LMTK3: variants seen among roughly 807,000 people sequenced by gnomAD.
The protein encoded by LMTK3 is serine/threonine-protein kinase LMTK3.
In LMTK3, 27 loss-of-function variants were observed where a neutral mutation model predicts 116.7. The ratio of observed to expected loss-of-function variants is 0.23; its 90% confidence interval spans 0.17 to 0.32. The LOEUF is 0.32. LMTK3 is among the 10% of genes least tolerant of loss of function. LMTK3 has a pLI of 1.00. For synonymous variants in LMTK3, 965 were observed against 971.0 expected, an observed-to-expected ratio of 0.99 and a Z score of 0.11; for missense variants, 1,764 against 2,068.5, an observed-to-expected ratio of 0.85 and a Z score of 2.86.
intron 3 of LMTK3, 126 bp downstream of exon 3, chr19:48,509,897 C>G (rs1972628218): frequency 9.6e-7 from 1 of 1,043,854 alleles, no homozygotes; most frequent in South Asian, 1.6e-5. Flanking sequence ...TTCCAGCGCT[C>G]CCACCTATGC....
At position 48,494,336 on chromosome 19, in the gene LMTK3, C is replaced by T. The variant is rs1972286619; in HGVS notation, c.3677-227G>A. ...TGCCAACGGCTTTAAGCCGCAACTT[C>T]CCACAGCCCACCAGGCCCTCATGCC... On this transcript the variant is annotated intron_variant, in intron 11 of 14. Transcript: ENST00000600059. The surrounding 1 kb of genome is among the most constrained non-coding windows in gnomAD (Gnocchi z 4.0). 6.6e-6 allele frequency among the ~76,000 whole-genome samples: 1 copy of T among 152,208 alleles called. No homozygotes were observed. The highest frequency in any genetic ancestry group is 1.5e-5 in the Non-Finnish European group (1 of 68,034).
chr19:48,499,021 A>G lies in LMTK3; in HGVS notation c.2048T>C (p.Leu683Pro). 5 of 1,453,430 alleles carry G rather than the reference A, an allele frequency of 3.4e-6. No homozygotes were observed. The highest frequency in any genetic ancestry group is 4.5e-6 in the Non-Finnish European group (5 of 1,101,982). 90.0% of individuals were successfully genotyped at this position (1,453,430 alleles called of 1,614,324 possible). ...SREGACSCLP[L>P]ERGDAVAGWG... is the part of the protein sequence containing the mutation. The stretch of plus-strand genomic sequence containing the variant: ...GCCTGCTACGGCGTCCCCCCGCTCC[A>G]GTGGCAGGCAGGAGCAGGCCCCCTC... Residue 683 changes from leucine to proline, a missense_variant, in exon 11 of 15, where the codon CTG (leucine) becomes CCG (proline). Physicochemically the swap from Leu to Pro is moderately conservative, Grantham distance 98. Coordinates refer to ENST00000600059, the MANE Select transcript of LMTK3 (RefSeq NM_001388485.1).
At position 48,497,491 on chromosome 19, in the gene LMTK3, C is replaced by G. The variant is rs1305403582; in HGVS notation, c.3578G>C (p.Gly1193Ala). ...CTCGGGCTTGGGGGGGTCCCCGTCT[C>G]CGCTGAGTGCCGTGTCTCCGCCGGC... Reference protein sequence around the residue: ...SRAGGDTALSGDGDPPKPERK... With the variant: ...SRAGGDTALSADGDPPKPERK... Residue 1193 changes from glycine to alanine, a missense_variant, in exon 11 of 15, where the codon GGA (glycine) becomes GCA (alanine). This residue lies in a region of LMTK3 where 1,028 missense variants were observed against 1,050.6 expected (regional missense o/e 0.98). Transcript: ENST00000600059. This position sits in a 1 kb window ranked among gnomAD's most constrained non-coding sequence, Gnocchi z 5.7. 4.1e-6 allele frequency: 6 copies of G among 1,472,750 alleles called. No homozygotes were observed. Among genetic ancestry groups the G allele is most frequent in the Non-Finnish European group, 5.4e-6 (6 of 1,114,164 alleles). The allele number at this position is 1,472,750 out of a possible 1,614,324, so 91.2% of individuals were successfully genotyped here.
rs1478522392 is a variant in LMTK3 at position 48,499,297 on chromosome 19, G to T, written c.1772C>A (p.Ala591Glu). 7.1e-7 allele frequency: 1 copy of T among 1,413,894 alleles called. No homozygotes were observed. Among genetic ancestry groups the T allele is most frequent in the Non-Finnish European group, 9.2e-7 (1 of 1,083,196 alleles). The allele number at this position is 1,413,894 out of a possible 1,614,324, so 87.6% of individuals were successfully genotyped here. A position where few individuals can be genotyped will look rare whatever the true frequency, so the allele number is the denominator to read the frequency against. The change falls in exon 11 of 15, where the codon GCG (alanine) becomes GAG (glutamate). Residue 591 changes from alanine to glutamate, a missense_variant. This residue lies in a region of LMTK3 where 1,028 missense variants were observed against 1,050.6 expected (regional missense o/e 0.98). Coordinates refer to ENST00000600059, the MANE Select transcript of LMTK3 (RefSeq NM_001388485.1). ...SETWASPLFP[A>E]PRPFPAQSSA... ...GGACTGGGCTGGGAAGGGCCGGGGC[G>T]CAGGGAAGAGGGGGGAGGCCCAGGT...
chr19:48,499,486 C>G lies in LMTK3; in HGVS notation c.1583G>C (p.Ser528Thr). 2 of 1,466,500 alleles carry G rather than the reference C, an allele frequency of 1.4e-6. No individual in the cohort carries two copies. The highest frequency in any genetic ancestry group is 1.8e-6 in the Non-Finnish European group (2 of 1,108,276). 90.8% of individuals were successfully genotyped at this position (1,466,500 alleles called of 1,614,324 possible). ...GCTGCTCACGGAGGGGCTGCGGGCG[C>G]TGATGACAGGCAGCACGCTGGGCGT... ...LSTPSVLPVI[S>T]ARSPSVSSEY... Residue 528 changes from serine to threonine, a missense_variant, in exon 11 of 15, where the codon AGC (serine) becomes ACC (threonine). Transcript: ENST00000600059.
chr19:48,493,772 C>T lies in LMTK3; in HGVS notation c.4014G>A (p.Glu1338=), dbSNP rs1303541152. 3 of 1,547,766 alleles carry T rather than the reference C, an allele frequency of 1.9e-6. No individual in the cohort carries two copies. The highest frequency in any genetic ancestry group is 3.6e-4 in the Middle Eastern group (2 of 5,550). Residue 1338 remains glutamate (E), a synonymous_variant, in exon 12 of 15, where the codon GAG becomes GAA. Coordinates refer to ENST00000600059, the MANE Select transcript of LMTK3 (RefSeq NM_001388485.1). The part of the protein sequence containing the change: ...GLLKSPRGAD[E]PEDSELERKR... ...TCCTCTCCAGCTCGCTGTCCTCTGG[C>T]TCGTCGGCCCCGCGCGGAGACTTGA... is the stretch of plus-strand genomic sequence containing the variant.
intron 14 of LMTK3, among the ~76,000 whole-genome samples, chr19:48,488,130 G>A (rs983918670): frequency 3.3e-5 from 5 of 152,070 alleles, no homozygotes; most frequent in African/African-American, 1.2e-4. Context: ...AGCCATTCTC[G>A]CTTGCCAGCC....
At position 48,497,628 on chromosome 19, in the gene LMTK3, C is replaced by T. The variant is rs906372500; in HGVS notation, c.3441G>A (p.Pro1147=). ...CCTCCGGTGGCGGTGGCAGCGGTGGCGGCGGTGGCTGCGGCCTCGTGTTGT... is the reference window on the plus strand; with the variant it reads ...CCTCCGGTGGCGGTGGCAGCGGTGGTGGCGGTGGCTGCGGCCTCGTGTTGT... ...WVDNTRPQPP[P]PPLPPPPEAQ... The change falls in exon 11 of 15, where the codon CCG becomes CCA. Residue 1147 remains proline, a synonymous_variant. Transcript: ENST00000600059. This position sits in a 1 kb window ranked among gnomAD's most constrained non-coding sequence, Gnocchi z 5.7. 1.6e-6 allele frequency: 2 copies of T among 1,267,606 alleles called. No individual in the cohort carries two copies. Among genetic ancestry groups the T allele is most frequent in the Non-Finnish European group, 2.0e-6 (2 of 997,380 alleles). The allele number at this position is 1,267,606 out of a possible 1,614,324, so 78.5% of individuals were successfully genotyped here. A position where few individuals can be genotyped will look rare whatever the true frequency, so the allele number is the denominator to read the frequency against.
Position 48,491,633 on chromosome 19 carries a change from T to C in LMTK3, c.4093-94A>G, listed in dbSNP as rs1972228837. 1.7e-6 allele frequency: 2 copies of C among 1,144,294 alleles called. No homozygotes were observed. The highest frequency in any genetic ancestry group is 1.6e-5 in the African/African-American group (1 of 62,094). The allele number at this position is 1,144,294 out of a possible 1,614,324, so 70.9% of individuals were successfully genotyped here. A position where few individuals can be genotyped will look rare whatever the true frequency, so the allele number is the denominator to read the frequency against. ...AAGCAACAAAACCGGCTAATATTTC[T>C]GGGGCTCTAGGAATCCCAATTTGTA... On this transcript the variant is annotated intron_variant, in intron 12 of 14. Coordinates refer to ENST00000600059, the MANE Select transcript of LMTK3 (RefSeq NM_001388485.1). The surrounding 1 kb of genome is among the most constrained non-coding windows in gnomAD (Gnocchi z 5.1).
In LMTK3 at chr19:48,500,774, C is replaced by A. The variant is rs1457650431; in HGVS notation, c.1151+222G>T. ...AATCAGACAGGTAAGAAGCAGGGAC[C>A]TCTTAGGGTGAAGTGGGTTCAAATC... On this transcript the variant is annotated intron_variant, in intron 10 of 14. Transcript: ENST00000600059. The surrounding 1 kb of genome is among the most constrained non-coding windows in gnomAD (Gnocchi z 4.0). 6.6e-6 allele frequency among the ~76,000 whole-genome samples: 1 copy of A among 152,180 alleles called. No individual in the cohort carries two copies. The highest frequency in any genetic ancestry group is 6.5e-5 in the Admixed American group (1 of 15,274).
chr19:48,497,984 G>A lies in LMTK3; in HGVS notation c.3085C>T (p.Pro1029Ser). The A allele has an allele frequency of 6.2e-7, 1 of 1,607,266 alleles. No homozygotes were observed. Among genetic ancestry groups the A allele is most frequent in the Non-Finnish European group, 8.5e-7 (1 of 1,177,672 alleles). The change falls in exon 11 of 15, where the codon CCC (proline) becomes TCC (serine). Residue 1029 changes from proline to serine, a missense_variant. Transcript: ENST00000600059. The surrounding 1 kb of genome is among the most constrained non-coding windows in gnomAD (Gnocchi z 5.7). Reference sequence around the variant, plus strand: ...CAACTCTCGGGCGTCTTCTCCCAGGGCCCTGGGGCTCTCCAAGGCCCAGTC... The same window carrying A: ...CAACTCTCGGGCGTCTTCTCCCAGGACCCTGGGGCTCTCCAAGGCCCAGTC... ...PETGPWRAPG[P>S]WEKTPESWGP...
At chr19:48,504,743 T>C (rs1428456146) in intron 5 of LMTK3, among the ~76,000 whole-genome samples, 7 of 152,172 alleles carry the variant, frequency 4.6e-5, no homozygotes, top group Non-Finnish European at 1.0e-4. Context: ...ATAATGGGTT[T>C]CACCATGTTG....
At chr19:48,490,634 C>G (rs894753526) in intron 14 of LMTK3, among the ~76,000 whole-genome samples, 2 of 152,104 alleles carry the variant, frequency 1.3e-5, no homozygotes, top group African/African-American at 2.4e-5. Flanking sequence ...AGGGTCCACG[C>G]GAGAGCAGCG....
chr19:48,492,418 C>T (rs2147532450), intron 12 of LMTK3, among the ~76,000 whole-genome samples: 1 of 152,294 alleles, frequency 6.6e-6, no homozygotes, highest in African/African-American at 2.4e-5. Flanking sequence ...AACTCTTGAC[C>T]TCAAGTGATC....
At chr19:48,511,395 G>T in intron 1 of LMTK3, 106 bp downstream of exon 1, 2 of 380,186 alleles carry the variant, frequency 5.3e-6, no homozygotes, top group Non-Finnish European at 8.8e-6. Context: ...GCGGGAAGAC[G>T]CGCACCAGGT....
rs1286746802 is a variant in LMTK3 at position 48,501,679 on chromosome 19, C to A, written c.795-117G>T. On this transcript the variant is annotated intron_variant, in intron 7 of 14. Coordinates refer to ENST00000600059, the MANE Select transcript of LMTK3 (RefSeq NM_001388485.1). ...ACCCTGCCCCGCCACACTGACTCTGCCCCTTCCCTCTGATCTGTCTCTCCC... is the reference window on the plus strand; with the variant it reads ...ACCCTGCCCCGCCACACTGACTCTGACCCTTCCCTCTGATCTGTCTCTCCC... 7 of 996,720 alleles carry A rather than the reference C, an allele frequency of 7.0e-6. No individual in the cohort carries two copies. The East Asian group carries it at 1.8e-4, about 26-fold the overall frequency. The allele number at this position is 996,720 out of a possible 1,614,324, so 61.7% of individuals were successfully genotyped here.
chr19:48,490,688 G>A (rs1474623426), intron 14 of LMTK3, among the ~76,000 whole-genome samples: 1 of 152,192 alleles, frequency 6.6e-6, no homozygotes, highest in Non-Finnish European at 1.5e-5. Context: ...TGTCCTCCCT[G>A]CTCTGGTTCA....
At position 48,493,597 on chromosome 19, in the gene LMTK3, A is replaced by C. The variant is rs1374163642; in HGVS notation, c.4092+97T>G. ...CTCCGCCTCCCTCCAGGCCCCGCCC[A>C]ACTCTAAGCTCGGCCTCCCGCCAGG... On this transcript the variant is annotated intron_variant, in intron 12 of 14. Coordinates refer to ENST00000600059, the MANE Select transcript of LMTK3 (RefSeq NM_001388485.1). 45 of 996,558 alleles carry C rather than the reference A, an allele frequency of 4.5e-5. 1 individual carries two copies. The highest frequency in any genetic ancestry group is 1.1e-4 in the South Asian group (4 of 37,344). The allele number at this position is 996,558 out of a possible 1,614,324, so 61.7% of individuals were successfully genotyped here.
intron 1 of LMTK3, among the ~76,000 whole-genome samples, chr19:48,510,952 A>C (rs1972648149): frequency 6.6e-6 from 1 of 152,160 alleles, no homozygotes; most frequent in African/African-American, 2.4e-5. Context: ...GGACAGCCTC[A>C]TTACCCCTCG....
Sources: gnomAD v4.1 joint callset for allele counts (sites outside exome capture counted in the v4.1 genomes callset) on GRCh38, gnomAD v4.1.1 for gene constraint, gnomAD v4.1.1 regional missense constraint, Gnocchi (gnomAD v3.1) non-coding constraint, MANE v1.5 for transcripts, NCBI Gene and HGNC (gene_info 2026-07-23, HGNC 2026-07-21) for gene names.